SYT1: variants seen among roughly 807,000 people sequenced by gnomAD.
SYT1 encodes the protein synaptotagmin-1.
A neutral mutation model predicts 44.8 loss-of-function variants in SYT1; 8 were observed. The observed-to-expected ratio is 0.18, with a 90% CI of 0.10 to 0.32. The LOEUF is 0.32. SYT1 is among the 10% of genes least tolerant of loss of function. The probability of loss-of-function intolerance (pLI) is 1.00; values close to 1 mark genes in which losing one functional copy is unlikely to be tolerated. For synonymous variants in SYT1, 154 were observed against 188.8 expected (o/e 0.82, Z 1.51); for missense variants, 286 against 509.3 (o/e 0.56, Z 4.22).
chr12:79,181,039 T>C (rs933639764), intron 3 of SYT1, among the ~76,000 whole-genome samples: 1 of 152,072 alleles, frequency 6.6e-6, no homozygotes, highest in Non-Finnish European at 1.5e-5. Context: ...AAGAAGGACG[T>C]ATATGCGTCC....
intron 8 of SYT1, among the ~76,000 whole-genome samples, chr12:79,312,339 C>T (rs1240281785): frequency 1.3e-5 from 2 of 152,140 alleles, no homozygotes; most frequent in African/African-American, 2.4e-5. Flanking sequence ...GCCATGTATT[C>T]GTACTTATCA....
chr12:79,026,667 T>TTTATATATATATA (rs1298013189), intron 2 of SYT1, among the ~76,000 whole-genome samples: 477 of 102,186 alleles, frequency 4.7e-3, no homozygotes, highest in Middle Eastern at 7.2e-3. Flanking sequence ...CATATATATT[T>TTTATATATATATA]TATATATATA....
At chr12:79,383,011 C>T (rs542054572) in intron 9 of SYT1, among the ~76,000 whole-genome samples, 6 of 151,596 alleles carry the variant, frequency 4.0e-5, no homozygotes, top group African/African-American at 9.7e-5. Flanking sequence ...CACACCTAAA[C>T]GTAACTGTTG....
chr12:78,975,089 C>T (rs1397696297), intron 1 of SYT1, among the ~76,000 whole-genome samples: 1 of 151,454 alleles, frequency 6.6e-6, no homozygotes, highest in Admixed American at 6.6e-5. Context: ...CACGTTGCGC[C>T]CACCCCCACC....
intron 8 of SYT1, among the ~76,000 whole-genome samples, chr12:79,342,942 C>G (rs1283174541): frequency 6.6e-6 from 1 of 152,144 alleles, no homozygotes; most frequent in Non-Finnish European, 1.5e-5. Flanking sequence ...TGGAGAATCA[C>G]TTCCATATTA....
Position 79,277,781 on chromosome 12 carries a change from A to G in SYT1, c.167-8006A>G, listed in dbSNP as rs749690490. 1.2e-4 allele frequency among the ~76,000 whole-genome samples: 18 copies of G among 152,192 alleles called. 1 individual carries two copies. The Middle Eastern group carries it at 0.01, about 86-fold the overall frequency. On this transcript the variant is annotated intron_variant, in intron 4 of 10. Coordinates refer to ENST00000261205, the MANE Select transcript of SYT1 (RefSeq NM_005639.3). Reference sequence around the variant, plus strand: ...CTCCTTCAAGAGACCAACTTAACACATAAAGATTCTTACAGAGTCAAGATA... The same window carrying G: ...CTCCTTCAAGAGACCAACTTAACACGTAAAGATTCTTACAGAGTCAAGATA...
intron 8 of SYT1, among the ~76,000 whole-genome samples, chr12:79,318,972 C>T (rs926096134): frequency 3.3e-5 from 5 of 151,980 alleles, no homozygotes; most frequent in Non-Finnish European, 7.4e-5. Flanking sequence ...TTTGAAATGC[C>T]CGCCTGATAT....
intron 1 of SYT1, among the ~76,000 whole-genome samples, chr12:78,917,015 C>A (rs1346307967): frequency 6.6e-6 from 1 of 151,994 alleles, no homozygotes; most frequent in African/African-American, 2.4e-5. Flanking sequence ...TCATTGAAGC[C>A]CTGACCTCAA....
chr12:79,072,988 A>G (rs1876389027), intron 3 of SYT1, among the ~76,000 whole-genome samples: 1 of 152,222 alleles, frequency 6.6e-6, no homozygotes, highest in African/African-American at 2.4e-5. Flanking sequence ...AGTATGTTCC[A>G]TGAAATATTT....
intron 3 of SYT1, among the ~76,000 whole-genome samples, chr12:79,081,383 CTTTTTTTT>C (rs375161906): frequency 3.7e-4 from 53 of 141,358 alleles, no homozygotes; most frequent in Non-Finnish European, 7.0e-4. Flanking sequence ...CACAAATTCA[CTTTTTTTT>C]TTTTTTTTGA....
intron 1 of SYT1, among the ~76,000 whole-genome samples, chr12:78,924,452 C>T (rs150967464): frequency 6.6e-6 from 1 of 151,560 alleles, no homozygotes; most frequent in African/African-American, 2.4e-5. Flanking sequence ...ATGATGATTG[C>T]TAAATAGAGA....
chr12:78,893,909 C>T (rs960248037), intron 1 of SYT1, among the ~76,000 whole-genome samples: 7 of 151,610 alleles, frequency 4.6e-5, no homozygotes, highest in African/African-American at 7.3e-5. Flanking sequence ...CTTTCAGTCT[C>T]TCATGCGCAA....
chr12:79,385,177 G>A, intron 9 of SYT1, among the ~76,000 whole-genome samples: 1 of 151,818 alleles, frequency 6.6e-6, no homozygotes, highest in Non-Finnish European at 1.5e-5. Flanking sequence ...GGTAGAGACA[G>A]GGTTTCACCA....
At chr12:78,941,055 C>CTTTTTTTTCTTTTTTTTT (rs1878325967) in intron 1 of SYT1, among the ~76,000 whole-genome samples, 1 of 86,020 alleles carries the variant, frequency 1.2e-5, no homozygotes, top group African/African-American at 3.3e-5. Flanking sequence ...CTTTTTTTTT[C>CTTTTTTTTCTTTTTTTTT]TTTTTTTTTC....
chr12:79,436,491 T>A lies in SYT1; in HGVS notation c.929-7582T>A, dbSNP rs559359985. Among the ~76,000 whole-genome samples, 8 of 152,282 alleles carry A rather than the reference T, an allele frequency of 5.3e-5. No individual in the cohort carries two copies. The East Asian group carries it at 1.5e-3, about 29-fold the overall frequency. On this transcript the variant is annotated intron_variant, in intron 9 of 10. Transcript: ENST00000261205. ...GTTAAGAAAAAAGGCAATATAATTATGCTAAATTACCAAAATGAAAACTGC... is the reference window on the plus strand; with the variant it reads ...GTTAAGAAAAAAGGCAATATAATTAAGCTAAATTACCAAAATGAAAACTGC...
At chr12:79,251,988 A>ATAGATAGATAGATAGG (rs1877242401) in intron 4 of SYT1, among the ~76,000 whole-genome samples, 1 of 151,322 alleles carries the variant, frequency 6.6e-6, no homozygotes, top group Non-Finnish European at 1.5e-5. Flanking sequence ...TGATTGATAG[A>ATAGATAGATAGATAGG]TAGATAGATA....
chr12:79,180,077 G>A (rs1341307387), intron 3 of SYT1, among the ~76,000 whole-genome samples: 2 of 152,002 alleles, frequency 1.3e-5, no homozygotes, highest in Non-Finnish European at 2.9e-5. Context: ...ATTTCTAGAA[G>A]TGGGATTGCA....
chr12:79,442,169 T>C (rs1289857164), intron 9 of SYT1, among the ~76,000 whole-genome samples: 1 of 152,196 alleles, frequency 6.6e-6, no homozygotes, highest in African/African-American at 2.4e-5. Context: ...GAGGCATATA[T>C]AGTATATACA....
intron 8 of SYT1, among the ~76,000 whole-genome samples, chr12:79,344,171 T>C (rs572050990): frequency 6.0e-4 from 92 of 152,340 alleles, no homozygotes; most frequent in African/African-American, 2.2e-3. Flanking sequence ...AAATCCTTCT[T>C]ATACAGACAT....
Sources: gnomAD v4.1 joint callset for allele counts (sites outside exome capture counted in the v4.1 genomes callset) on GRCh38, gnomAD v4.1.1 for gene constraint, MANE v1.5 for transcripts, NCBI Gene and HGNC (gene_info 2026-07-23, HGNC 2026-07-21) for gene names.